LIMK2: variants seen among roughly 807,000 people sequenced by gnomAD.
LIMK2 encodes LIM domain kinase 2.
LIMK2 carries 35 observed loss-of-function variants against 75.7 expected under a neutral mutation model. The ratio of observed to expected loss-of-function variants is 0.46; its 90% CI spans 0.35 to 0.61. LIMK2 has a LOEUF of 0.61. LIMK2 is among the 20% of genes least tolerant of loss of function. The pLI, the probability that LIMK2 is intolerant of heterozygous loss-of-function variation, is 0.00. For missense variants in LIMK2, 623 were observed against 831.0 expected (o/e 0.75, Z 3.08); for synonymous variants, 301 against 319.2 (o/e 0.94, Z 0.61).
At chr22:31,269,286 C>CTTTTTTT (rs796361643) in intron 11 of LIMK2, among the ~76,000 whole-genome samples, 5 of 95,472 alleles carry the variant, frequency 5.2e-5, no homozygotes, top group Non-Finnish European at 6.6e-5. Context: ...ATTTTTTTTT[C>CTTTTTTT]TTTTTTTTTT....
chr22:31,224,102 G>A (rs778416452), intron 1 of LIMK2, among the ~76,000 whole-genome samples: 2 of 152,200 alleles, frequency 1.3e-5, no homozygotes, highest in Admixed American at 6.5e-5. Flanking sequence ...AGCGCACAAG[G>A]GAGTCTTGTA....
Position 31,262,513 on chromosome 22 carries a change from C to T in LIMK2, c.658-82C>T. 1 of 1,368,048 alleles carries T rather than the reference C, an allele frequency of 7.3e-7. No individual in the cohort carries two copies. Among genetic ancestry groups the T allele is most frequent in the Non-Finnish European group, 1.0e-6 (1 of 982,914 alleles). 84.7% of individuals were successfully genotyped at this position (1,368,048 alleles called of 1,614,324 possible). On this transcript the variant is annotated intron_variant, in intron 6 of 15. Transcript: ENST00000331728. This position sits in a 1 kb window ranked among gnomAD's most constrained non-coding sequence, Gnocchi z 5.0. ...TTAGACAAGTTGAGCACTGGCCACA[C>T]TGTGCCTGAGTCATCTGGGTTGGCC...
intron 8 of LIMK2, 101 bp downstream of exon 8, chr22:31,266,233 G>C: frequency 2.5e-6 from 3 of 1,194,446 alleles, no homozygotes; most frequent in Non-Finnish European, 3.6e-6. Flanking sequence ...CACCATGCAG[G>C]ATGCCAGGCC....
intron 4 of LIMK2, among the ~76,000 whole-genome samples, 170 bp downstream of exon 4, chr22:31,259,400 CAT>C (rs2048815978): frequency 6.6e-6 from 1 of 152,164 alleles, no homozygotes; most frequent in South Asian, 2.1e-4. Flanking sequence ...ATGATTTACA[CAT>C]GTCTCTACCC....
At chr22:31,228,659 G>A (rs1012277473) in intron 2 of LIMK2, among the ~76,000 whole-genome samples, 48 of 152,162 alleles carry the variant, frequency 3.2e-4, no homozygotes, top group Non-Finnish European at 6.3e-4. Context: ...AGGGCCGGAC[G>A]TGGTGGCTTA....
chr22:31,227,322 C>T (rs1432004104), intron 2 of LIMK2, among the ~76,000 whole-genome samples: 1 of 152,206 alleles, frequency 6.6e-6, no homozygotes. Context: ...AGCTCCTGCA[C>T]ATAGCTCTTG....
intron 7 of LIMK2, among the ~76,000 whole-genome samples, chr22:31,263,685 AAT>A (rs2048863688): frequency 6.7e-6 from 1 of 149,818 alleles, no homozygotes; most frequent in Non-Finnish European, 1.5e-5. Flanking sequence ...ACAAAAAAAA[AAT>A]AATAATAATA....
At chr22:31,233,053 G>A (rs926377218) in intron 2 of LIMK2, among the ~76,000 whole-genome samples, 3 of 152,078 alleles carry the variant, frequency 2.0e-5, no homozygotes, top group Admixed American at 6.6e-5. Context: ...TCTGTCTACC[G>A]ACCACTCTTC....
chr22:31,226,824 G>A (rs949947062), intron 2 of LIMK2, among the ~76,000 whole-genome samples: 7 of 152,164 alleles, frequency 4.6e-5, no homozygotes, highest in African/African-American at 1.2e-4. Flanking sequence ...TGGCCAGGCT[G>A]GTCTCAAACT....
intron 2 of LIMK2, among the ~76,000 whole-genome samples, chr22:31,243,632 T>C (rs753251191): frequency 6.6e-6 from 1 of 152,218 alleles, no homozygotes; most frequent in African/African-American, 2.4e-5. Flanking sequence ...TTCCAACTTA[T>C]GAAATGTGCT....
rs1430602852 is a variant in LIMK2 at position 31,278,441 on chromosome 22, G to A, written c.1917G>A (p.Ter639=). ...QYGLTRDSPP[*] is the part of the protein sequence containing the mutation. ...GCCTGACCCGGGACTCACCTCCCTA[G>A]CCCTGGCCCAGCCCCCTGCAGGGGG... The change falls in exon 16 of 16, where the codon TAG becomes TAA. Residue 639 remains the stop codon, a stop_retained_variant. Transcript: ENST00000331728. The A allele has an allele frequency of 6.2e-7, 1 of 1,606,100 alleles. No homozygotes were observed. Among genetic ancestry groups the A allele is most frequent in the South Asian group, 1.1e-5 (1 of 90,254 alleles).
At chr22:31,278,222 G>A in intron 15 of LIMK2, 75 bp from the exon 16 acceptor site, 4 of 1,354,790 alleles carry the variant, frequency 3.0e-6, no homozygotes, top group Non-Finnish European at 4.1e-6. Flanking sequence ...AAGTAGCTGA[G>A]CCTAGATCCC....
intron 13 of LIMK2, 96 bp from the exon 14 acceptor site, chr22:31,273,356 C>G (rs770078897): frequency 4.6e-4 from 514 of 1,107,258 alleles, no homozygotes; most frequent in Non-Finnish European, 6.5e-4. Flanking sequence ...CCTGTTCTAG[C>G]CCTAGTTCTT....
At position 31,269,498 on chromosome 22, in the gene LIMK2, G is replaced by A. The variant is rs147428569; in HGVS notation, c.1317+1298G>A. 4.0e-3 allele frequency among the ~76,000 whole-genome samples: 613 copies of A among 152,130 alleles called. 4 individuals carry two copies. Among genetic ancestry groups the A allele is most frequent in the South Asian group, 0.014 (66 of 4,824 alleles). On this transcript the variant is annotated intron_variant, in intron 11 of 15. Transcript: ENST00000331728. ...AAAATGAGTCTGGGCTGGCACAGTG[G>A]CTCATGCCTGTAATCCCAGCACTTT...
chr22:31,276,993 G>C (rs1317692167), intron 15 of LIMK2: 6 of 1,613,982 alleles, frequency 3.7e-6, no homozygotes. Context: ...ACGTGGATGA[G>C]CTCCTGGACA....
At chr22:31,246,175 G>GCACACACACACACACACA (rs1300039438) in intron 2 of LIMK2, among the ~76,000 whole-genome samples, 27 of 78,136 alleles carry the variant, frequency 3.5e-4, no homozygotes, top group Admixed American at 8.1e-4. Context: ...TCCGACACAC[G>GCACACACACACACACACA]CACGCACGCA....
At chr22:31,276,626 G>C (rs2123871743) in intron 15 of LIMK2, among the ~76,000 whole-genome samples, 1 of 146,410 alleles carries the variant, frequency 6.8e-6, no homozygotes, top group South Asian at 2.1e-4. Context: ...GCCAGCCGGC[G>C]GGCGTCACGG....
At chr22:31,234,140 G>A (rs2048551345) in intron 2 of LIMK2, among the ~76,000 whole-genome samples, 1 of 151,918 alleles carries the variant, frequency 6.6e-6, no homozygotes. Context: ...AGCCTCCCAA[G>A]TAGCTGGGAT....
chr22:31,248,178 C>T (rs983581835), intron 2 of LIMK2, among the ~76,000 whole-genome samples: 4 of 152,004 alleles, frequency 2.6e-5, no homozygotes, highest in African/African-American at 9.7e-5. Context: ...GATGGACGCT[C>T]AATTGGTCCC....
Sources: gnomAD v4.1 joint callset for allele counts (sites outside exome capture counted in the v4.1 genomes callset) on GRCh38, gnomAD v4.1.1 for gene constraint, Gnocchi (gnomAD v3.1) non-coding constraint, MANE v1.5 for transcripts, NCBI Gene and HGNC (gene_info 2026-07-23, HGNC 2026-07-21) for gene names.